The following TTYH2 variants were observed in gnomAD, a reference collection of about 807,000 sequenced individuals.
TTYH2 encodes tweety family member 2, also known as protein tweety homolog 2.
In TTYH2, 49 loss-of-function variants were observed where a neutral mutation model predicts 68.3. The observed-to-expected ratio is 0.72, with a 90% CI of 0.57 to 0.91. The LOEUF is 0.91. TTYH2 is among the 40% of genes least tolerant of loss of function. The probability of loss-of-function intolerance (pLI) is 0.00; values close to 1 mark genes in which losing one functional copy is unlikely to be tolerated. For synonymous variants in TTYH2, 272 were observed against 300.8 expected (o/e 0.90, Z 0.99); for missense variants, 631 against 700.4 (o/e 0.90, Z 1.12).
At chr17:74,219,487 A>G (rs895417708) in intron 1 of TTYH2, among the ~76,000 whole-genome samples, 9 of 151,930 alleles carry the variant, frequency 5.9e-5, no homozygotes, top group African/African-American at 2.2e-4. Flanking sequence ...CGTGCGTGGT[A>G]TGTGTGTGTG....
rs2143770649 is a variant in TTYH2 at position 74,249,022 on chromosome 17, C to T, written c.816C>T (p.Asp272=). The change falls in exon 7 of 14, where the codon GAC becomes GAT. Residue 272 remains aspartate (D), a synonymous_variant. Coordinates refer to ENST00000269346, the MANE Select transcript of TTYH2 (RefSeq NM_032646.6). ...TCTCCCTCACTCAGGCCACCAGTGACTTCTGTGTGGCTCCTGACACCTTCA... is the reference window on the plus strand; with the variant it reads ...TCTCCCTCACTCAGGCCACCAGTGATTTCTGTGTGGCTCCTGACACCTTCA... ...ADGSAAVATS[D]FCVAPDTFIL... 1 of 1,614,190 alleles carries T rather than the reference C, an allele frequency of 6.2e-7. No individual in the cohort carries two copies. Among genetic ancestry groups the T allele is most frequent in the South Asian group, 1.1e-5 (1 of 91,086 alleles).
rs2050738925 is a variant in TTYH2, at chr17:74,260,472, C to G, written c.*263C>G. 6.0e-6 allele frequency: 3 copies of G among 502,880 alleles called. No homozygotes were observed. The highest frequency in any genetic ancestry group is 1.9e-5 in the African/African-American group (1 of 51,614). The allele number at this position is 502,880 out of a possible 1,614,324, so 31.2% of individuals were successfully genotyped here. On this transcript the variant is annotated 3_prime_UTR_variant, in exon 14 of 14. Coordinates refer to ENST00000269346, the MANE Select transcript of TTYH2 (RefSeq NM_032646.6). Reference sequence around the variant, plus strand: ...CTGCCTCAGAGGTACCATCCCTGAGCTGGCTGCCTGGCCCTGCTCACCCCT... The same window carrying G: ...CTGCCTCAGAGGTACCATCCCTGAGGTGGCTGCCTGGCCCTGCTCACCCCT...
At chr17:74,252,815 G>A (rs114533657) in intron 11 of TTYH2, among the ~76,000 whole-genome samples, 2,417 of 152,276 alleles carry the variant, frequency 0.016, 68 homozygotes, top group African/African-American at 0.055. Flanking sequence ...CCTGGTGAGC[G>A]GATTAGGCAA....
rs2050401088 is a variant in TTYH2, at chr17:74,232,580, CCCACCCTTGCCCCAGG to C, written c.414+1584_414+1599del. Among the ~76,000 whole-genome samples the C allele has an allele frequency of 3.9e-5, 6 of 152,150 alleles. No individual in the cohort carries two copies. The highest frequency in any genetic ancestry group is 3.9e-4 in the Admixed American group (6 of 15,286). On this transcript the variant is annotated intron_variant, in intron 3 of 13. Transcript: ENST00000269346. The surrounding 1 kb of genome is among the most constrained non-coding windows in gnomAD (Gnocchi z 5.1). ...CTGGGGAGAACTCTCCCTCTGGGCA[CCCACCCTTGCCCCAGG>C]CCCTGGTGGGGAAGGGCCCCATGGT...
intron 4 of TTYH2, among the ~76,000 whole-genome samples, chr17:74,238,106 C>T (rs960969630): frequency 3.3e-5 from 5 of 152,138 alleles, no homozygotes; most frequent in Non-Finnish European, 5.9e-5. Context: ...CTCAGCCTCC[C>T]GCACACGGTG....
intron 13 of TTYH2, among the ~76,000 whole-genome samples, chr17:74,256,350 T>G (rs2050693550): frequency 6.6e-6 from 1 of 151,700 alleles, no homozygotes; most frequent in Non-Finnish European, 1.5e-5. Flanking sequence ...ATCTAGGGAG[T>G]GGAGCACCCA....
At position 74,215,728 on chromosome 17, in the gene TTYH2, G is replaced by A. The variant is rs770188537; in HGVS notation, c.129+2012G>A. 3.3e-6 allele frequency: 5 copies of A among 1,534,678 alleles called. No homozygotes were observed. The highest frequency in any genetic ancestry group is 4.4e-6 in the Non-Finnish European group (5 of 1,145,966). ...CCTGTTTTTGGTAAGTTCCCCTGTT[G>A]TGACCACAGGTCTCTCCTGGATGTC... On this transcript the variant is annotated intron_variant, in intron 1 of 13. Transcript: ENST00000269346. This position sits in a 1 kb window ranked among gnomAD's most constrained non-coding sequence, Gnocchi z 4.3.
At chr17:74,248,662 T>C in intron 6 of TTYH2, 1 of 1,156,394 alleles carries the variant, frequency 8.6e-7, no homozygotes, top group Non-Finnish European at 1.1e-6. Context: ...CCCAGGATGC[T>C]GGCCCCCAAA....
At chr17:74,219,817 T>C (rs144128123) in intron 1 of TTYH2, among the ~76,000 whole-genome samples, 1 of 152,318 alleles carries the variant, frequency 6.6e-6, no homozygotes, top group African/African-American at 2.4e-5. Context: ...CTCTTGTTGG[T>C]GGACGTTTGT....
At chr17:74,255,835 T>C (rs779318807) in intron 13 of TTYH2, among the ~76,000 whole-genome samples, 2 of 152,192 alleles carry the variant, frequency 1.3e-5, no homozygotes, top group East Asian at 1.9e-4. Context: ...TCTCCCTTCA[T>C]TGGGCCTGGC....
At chr17:74,231,997 C>T (rs930306378) in intron 3 of TTYH2, among the ~76,000 whole-genome samples, 4 of 152,198 alleles carry the variant, frequency 2.6e-5, no homozygotes, top group Non-Finnish European at 4.4e-5. Flanking sequence ...TCCCTGAAAA[C>T]TGCCTCTGCC....
chr17:74,231,799 T>C (rs2050392418), intron 3 of TTYH2, among the ~76,000 whole-genome samples: 1 of 152,002 alleles, frequency 6.6e-6, no homozygotes, highest in Admixed American at 6.5e-5. Context: ...CAGTGAAGGA[T>C]GCTCTGGCCT....
rs546017604 is a variant in TTYH2 at position 74,217,733 on chromosome 17, C to A, written c.129+4017C>A. Among the ~76,000 whole-genome samples the A allele has an allele frequency of 6.6e-6, 1 of 152,338 alleles. No individual in the cohort carries two copies. Among genetic ancestry groups the A allele is most frequent in the East Asian group, 1.9e-4 (1 of 5,178 alleles). On this transcript the variant is annotated intron_variant, in intron 1 of 13. Transcript: ENST00000269346. The surrounding 1 kb of genome is among the most constrained non-coding windows in gnomAD (Gnocchi z 4.0). ...ATGTCTTCTGGGGCCAGGGCTGTTG[C>A]CCCCTCCCCTGCCCAGTGCAGAAGC...
At chr17:74,227,750 T>G (rs1275385372) in intron 2 of TTYH2, among the ~76,000 whole-genome samples, 7 of 115,212 alleles carry the variant, frequency 6.1e-5, no homozygotes, top group African/African-American at 3.3e-4. Flanking sequence ...AGGAACCTTG[T>G]TTTTTTTTTT....
intron 6 of TTYH2, chr17:74,248,066 A>G (rs1291754215): frequency 6.5e-6 from 1 of 154,036 alleles, no homozygotes; most frequent in African/African-American, 2.4e-5. Flanking sequence ...GTGATGCTCT[A>G]TTGTGGACCC....
chr17:74,260,478 G>C lies in TTYH2; in HGVS notation c.*269G>C. On this transcript the variant is annotated 3_prime_UTR_variant, in exon 14 of 14. Transcript: ENST00000269346. ...CAGAGGTACCATCCCTGAGCTGGCT[G>C]CCTGGCCCTGCTCACCCCTACGCCT... is the stretch of plus-strand genomic sequence containing the variant. 1 of 494,588 alleles carries C rather than the reference G, an allele frequency of 2.0e-6. No individual in the cohort carries two copies. The allele number at this position is 494,588 out of a possible 1,614,324, so 30.6% of individuals were successfully genotyped here.
At position 74,214,660 on chromosome 17, in the gene TTYH2, C is replaced by A. The variant is rs1228905382; in HGVS notation, c.129+944C>A. Among the ~76,000 whole-genome samples the A allele has an allele frequency of 5.3e-5, 8 of 152,220 alleles. No homozygotes were observed. Among genetic ancestry groups the A allele is most frequent in the Non-Finnish European group, 1.5e-5 (1 of 68,044 alleles). On this transcript the variant is annotated intron_variant, in intron 1 of 13. Coordinates refer to ENST00000269346, the MANE Select transcript of TTYH2 (RefSeq NM_032646.6). The surrounding 1 kb of genome is among the most constrained non-coding windows in gnomAD (Gnocchi z 4.6). The stretch of plus-strand genomic sequence containing the variant: ...CCAGCCCGTCTCAGGTCTGGTCACG[C>A]CTGCTCTGGCCCCGGGAGCCCACCT...
chr17:74,240,376 C>T (rs958895449), intron 4 of TTYH2, among the ~76,000 whole-genome samples: 13 of 151,614 alleles, frequency 8.6e-5, no homozygotes, highest in Admixed American at 2.6e-4. Context: ...GAAGCGGAGG[C>T]TGCAGTGAGC....
At chr17:74,216,892 A>G (rs577333462) in intron 1 of TTYH2, among the ~76,000 whole-genome samples, 18 of 152,350 alleles carry the variant, frequency 1.2e-4, no homozygotes, top group Middle Eastern at 3.4e-3. Context: ...TAAAAGAACT[A>G]ATGAGTTCAT....
Sources: gnomAD v4.1 joint callset for allele counts (sites outside exome capture counted in the v4.1 genomes callset) on GRCh38, gnomAD v4.1.1 for gene constraint, Gnocchi (gnomAD v3.1) non-coding constraint, MANE v1.5 for transcripts, NCBI Gene and HGNC (gene_info 2026-07-23, HGNC 2026-07-21) for gene names.